FHIT: variants seen among roughly 807,000 people sequenced by gnomAD.
The protein encoded by FHIT is bis(5'-adenosyl)-triphosphatase.
In FHIT, 19 loss-of-function variants were observed where a neutral mutation model predicts 17.9. The observed-to-expected ratio is 1.06, with a 90% CI of 0.74 to 1.56. The LOEUF (loss-of-function observed/expected upper bound fraction) is 1.56, where lower values mean the gene tolerates loss of function less well. Ranked by LOEUF, FHIT falls within the 40% of genes most tolerant of loss-of-function variation. FHIT has a pLI of 0.00. For synonymous variants in FHIT, 81 were observed against 69.7 expected (o/e 1.16, Z -0.81); for missense variants, 248 against 189.2 (o/e 1.31, Z -1.82).
intron 3 of FHIT, among the ~76,000 whole-genome samples, chr3:60,935,542 T>C (rs1037545444): frequency 1.3e-5 from 2 of 152,214 alleles, no homozygotes; most frequent in Non-Finnish European, 2.9e-5. Context: ...GGAAAAAGTT[T>C]CAAACAATCC....
At chr3:59,784,920 G>C (rs539704071) in intron 8 of FHIT, among the ~76,000 whole-genome samples, 2 of 152,252 alleles carry the variant, frequency 1.3e-5, no homozygotes, top group African/African-American at 4.8e-5. Flanking sequence ...AAGAGGTTTA[G>C]TTGGCCCATA....
intron 7 of FHIT, among the ~76,000 whole-genome samples, chr3:59,993,311 G>A (rs765505309): frequency 2.6e-5 from 4 of 151,998 alleles, no homozygotes; most frequent in Non-Finnish European, 5.9e-5. Context: ...TTCTTCACCT[G>A]GAGCTTGTAA....
chr3:59,853,247 A>G (rs1001828701), intron 8 of FHIT, among the ~76,000 whole-genome samples: 1 of 152,136 alleles, frequency 6.6e-6, no homozygotes, highest in Non-Finnish European at 1.5e-5. Context: ...TCACTGTTTG[A>G]ACACTCATTT....
chr3:60,648,097 A>T (rs1322369141), intron 4 of FHIT, among the ~76,000 whole-genome samples: 1 of 152,112 alleles, frequency 6.6e-6, no homozygotes, highest in African/African-American at 2.4e-5. Flanking sequence ...AAATGAGAGG[A>T]CAGAGGATAG....
chr3:59,788,298 G>C (rs1314506622), intron 8 of FHIT, among the ~76,000 whole-genome samples: 3 of 152,136 alleles, frequency 2.0e-5, no homozygotes, highest in East Asian at 3.9e-4. Context: ...GAATCATCCT[G>C]ACAGCTATCC....
At chr3:60,572,718 GA>G in intron 4 of FHIT, among the ~76,000 whole-genome samples, 1 of 152,164 alleles carries the variant, frequency 6.6e-6, no homozygotes, top group Non-Finnish European at 1.5e-5. Flanking sequence ...TGATGGAAAG[GA>G]TAGAAGGCTT....
chr3:60,769,209 G>T (rs1356164121), intron 4 of FHIT, among the ~76,000 whole-genome samples: 1 of 152,074 alleles, frequency 6.6e-6, no homozygotes, highest in African/African-American at 2.4e-5. Flanking sequence ...CTTGGCTGTG[G>T]TTCCAGTTAA....
chr3:60,820,257 G>C (rs1701880795), intron 4 of FHIT, among the ~76,000 whole-genome samples: 1 of 152,082 alleles, frequency 6.6e-6, no homozygotes, highest in African/African-American at 2.4e-5. Flanking sequence ...GCGGTTAGCT[G>C]AGATCACACC....
intron 5 of FHIT, among the ~76,000 whole-genome samples, chr3:60,126,192 C>T (rs370702591): frequency 5.9e-5 from 9 of 152,190 alleles, no homozygotes; most frequent in Admixed American, 2.6e-4. Context: ...AACATCTCTC[C>T]TACTGTGTTG....
At chr3:60,322,836 A>T (rs1206327503) in intron 5 of FHIT, among the ~76,000 whole-genome samples, 2 of 152,230 alleles carry the variant, frequency 1.3e-5, no homozygotes, top group African/African-American at 4.8e-5. Context: ...AACTGCGACG[A>T]CTATAAAAGA....
intron 5 of FHIT, among the ~76,000 whole-genome samples, chr3:60,219,966 C>G (rs1272353041): frequency 6.6e-6 from 1 of 152,164 alleles, no homozygotes; most frequent in Non-Finnish European, 1.5e-5. Context: ...TTTCTCTGTA[C>G]TTGCAGCCGA....
At chr3:61,194,219 A>T (rs1020850143) in intron 2 of FHIT, among the ~76,000 whole-genome samples, 2 of 152,100 alleles carry the variant, frequency 1.3e-5, no homozygotes, top group Non-Finnish European at 1.5e-5. Flanking sequence ...TGGGGAAGAG[A>T]CATTCTAGTT....
intron 7 of FHIT, among the ~76,000 whole-genome samples, chr3:60,004,192 T>C (rs997225589): frequency 6.6e-6 from 1 of 152,160 alleles, no homozygotes; most frequent in Non-Finnish European, 1.5e-5. Context: ...CACAGGAGGT[T>C]TGACTTCACA....
intron 4 of FHIT, among the ~76,000 whole-genome samples, chr3:60,750,794 C>A (rs2042450634): frequency 6.6e-6 from 1 of 152,220 alleles, no homozygotes; most frequent in Admixed American, 6.5e-5. Context: ...TCATGTGAAC[C>A]AGGCATGGTT....
chr3:60,672,131 C>A (rs879982959), intron 4 of FHIT, among the ~76,000 whole-genome samples: 4 of 152,024 alleles, frequency 2.6e-5, no homozygotes, highest in Non-Finnish European at 4.4e-5. Context: ...ACTTTTAACT[C>A]TTTGTGTTTT....
At chr3:60,196,978 C>G (rs1207883718) in intron 5 of FHIT, among the ~76,000 whole-genome samples, 1 of 152,028 alleles carries the variant, frequency 6.6e-6, no homozygotes, top group African/African-American at 2.4e-5. Flanking sequence ...AAACTCCATC[C>G]AACATGTAGA....
chr3:60,830,735 A>G (rs1337905343), intron 3 of FHIT, among the ~76,000 whole-genome samples: 1 of 152,230 alleles, frequency 6.6e-6, no homozygotes, highest in African/African-American at 2.4e-5. Flanking sequence ...GGAGAAATCA[A>G]TTTAAAAGAA....
Position 60,114,930 on chromosome 3 carries a change from A to G in FHIT, c.104-100778T>C, listed in dbSNP as rs143468005. On this transcript the variant is annotated intron_variant, in intron 5 of 9. Transcript: ENST00000492590. ...TATACTGAAAAGCCGCTGTCTGATA[A>G]AAGTTGGCAAGGCAGATTCTAGGAA... is the stretch of plus-strand genomic sequence containing the variant. 7.9e-3 allele frequency among the ~76,000 whole-genome samples: 1,204 copies of G among 152,304 alleles called. 10 individuals are homozygous for G. The highest frequency in any genetic ancestry group is 0.026 in the African/African-American group (1,100 of 41,568).
At chr3:60,281,858 C>CAA (rs34276482) in intron 5 of FHIT, among the ~76,000 whole-genome samples, 1 of 151,910 alleles carries the variant, frequency 6.6e-6, no homozygotes, top group Non-Finnish European at 1.5e-5. Flanking sequence ...TTTTGCTCTA[C>CAA]AAAAAATACT....
Sources: allele counts gnomAD v4.1 joint callset (sites outside exome capture counted in the v4.1 genomes callset), GRCh38; gene constraint gnomAD v4.1.1; transcripts MANE v1.5; gene names NCBI Gene and HGNC (gene_info 2026-07-23, HGNC 2026-07-21).